Variants in SNX31 observed in about 807,000 individuals in gnomAD.
SNX31 encodes the protein sorting nexin 31, also known as sorting nexin-31.
SNX31 carries 58 observed loss-of-function variants against 65.4 expected under a neutral mutation model. That is an observed-to-expected ratio of 0.89 (90% CI 0.72 to 1.10). SNX31 has a LOEUF of 1.10. Ranked by LOEUF, SNX31 falls within the 50% of genes least tolerant of loss-of-function variation. The pLI, the probability that SNX31 is intolerant of heterozygous loss-of-function variation, is 0.00. For missense variants in SNX31, 523 were observed against 529.7 expected, an observed-to-expected ratio of 0.99 and a Z score of 0.12; for synonymous variants, 181 against 190.1, an observed-to-expected ratio of 0.95 and a Z score of 0.39.
chr8:100,573,825 A>C lies in SNX31; in HGVS notation c.*40T>G. 1 of 1,400,736 alleles carries C rather than the reference A, an allele frequency of 7.1e-7. No homozygotes were observed. Among genetic ancestry groups the C allele is most frequent in the Non-Finnish European group, 9.9e-7 (1 of 1,014,744 alleles). 86.8% of individuals were successfully genotyped at this position (1,400,736 alleles called of 1,614,324 possible). On this transcript the variant is annotated 3_prime_UTR_variant, in exon 14 of 14. Transcript: ENST00000311812. ...ATCCCCAAGTTCTTTCACTGTCTTG[A>C]GATAGCCTCCAAGGATATTTTAAAA...
At chr8:100,618,624 G>A (rs1219614476) in intron 4 of SNX31, 3 of 514,792 alleles carry the variant, frequency 5.8e-6, no homozygotes, top group Admixed American at 7.3e-5. Context: ...TACAAATTCT[G>A]GTTTCCATGA....
At chr8:100,581,847 G>T (rs1813586202) in intron 12 of SNX31, among the ~76,000 whole-genome samples, 1 of 152,116 alleles carries the variant, frequency 6.6e-6, no homozygotes, top group South Asian at 2.1e-4. Flanking sequence ...TTGTGAGGGG[G>T]CCCAGCACTC....
rs187638627 is a variant in SNX31, at chr8:100,610,531, G to T, written c.611+1469C>A. Among the ~76,000 whole-genome samples, 1 of 152,236 alleles carries T rather than the reference G, an allele frequency of 6.6e-6. No homozygotes were observed. Among genetic ancestry groups the T allele is most frequent in the East Asian group, 1.9e-4 (1 of 5,186 alleles). On this transcript the variant is annotated intron_variant, in intron 7 of 13. Coordinates refer to ENST00000311812, the MANE Select transcript of SNX31 (RefSeq NM_152628.4). The surrounding 1 kb of genome is among the most constrained non-coding windows in gnomAD (Gnocchi z 4.0). ...CCCATTTTACAGATAAAGAAACTGAGGCTTAGAGAGCTTGAACGACTTGGC... is the reference window on the plus strand; with the variant it reads ...CCCATTTTACAGATAAAGAAACTGATGCTTAGAGAGCTTGAACGACTTGGC...
intron 8 of SNX31, 139 bp from the exon 9 acceptor site, chr8:100,600,580 AT>A: frequency 1.7e-6 from 1 of 597,798 alleles, no homozygotes; most frequent in South Asian, 2.5e-5. Context: ...TATAAGTCTT[AT>A]TTTTTAAATT....
At chr8:100,607,825 A>G (rs1341768963) in intron 8 of SNX31, among the ~76,000 whole-genome samples, 1 of 152,222 alleles carries the variant, frequency 6.6e-6, no homozygotes, top group East Asian at 1.9e-4. Context: ...TTTTTAAAAT[A>G]AAAACTAAAA....
At chr8:100,577,311 G>T (rs962023582) in intron 12 of SNX31, among the ~76,000 whole-genome samples, 4 of 152,214 alleles carry the variant, frequency 2.6e-5, no homozygotes, top group Non-Finnish European at 4.4e-5. Context: ...CACATTAGTG[G>T]TTGCCTATGG....
chr8:100,622,468 A>G lies in SNX31; in HGVS notation c.322-4738T>C, dbSNP rs903268180. Among the ~76,000 whole-genome samples, 14 of 152,098 alleles carry G rather than the reference A, an allele frequency of 9.2e-5. No individual in the cohort carries two copies. The highest frequency in any genetic ancestry group is 2.9e-4 in the African/African-American group (12 of 41,416). ...GGAGTTCGAGACCAGCCTGGCCAAC[A>G]TGGTGAAACACTGTCTCTACTAAAA... On this transcript the variant is annotated intron_variant, in intron 4 of 13. Transcript: ENST00000311812. This position sits in a 1 kb window ranked among gnomAD's most constrained non-coding sequence, Gnocchi z 5.0.
chr8:100,593,546 C>T (rs1814783439), intron 10 of SNX31, among the ~76,000 whole-genome samples: 1 of 152,052 alleles, frequency 6.6e-6, no homozygotes, highest in African/African-American at 2.4e-5. Context: ...CTCCCCCTCC[C>T]AGACTCAAGG....
At chr8:100,643,119 G>T (rs34829030) in intron 2 of SNX31, among the ~76,000 whole-genome samples, 72,929 of 151,728 alleles carry the variant, frequency 0.48, 17,817 homozygotes, top group African/African-American at 0.56. Flanking sequence ...TGAACTTGGG[G>T]GGGGTGGAGG....
chr8:100,588,992 A>G lies in SNX31; in HGVS notation c.979-13T>C. ...CCAGCAGAGTTCCCTACAAAGGAAA[A>G]TATTTTATATTCAATGTAAATTTAA... On this transcript the variant is annotated splice_polypyrimidine_tract_variant and intron_variant, in intron 10 of 13. Transcript: ENST00000311812. This position sits in a 1 kb window ranked among gnomAD's most constrained non-coding sequence, Gnocchi z 4.8. The G allele has an allele frequency of 6.3e-7, 1 of 1,588,930 alleles. No homozygotes were observed. Among genetic ancestry groups the G allele is most frequent in the Non-Finnish European group, 8.6e-7 (1 of 1,158,898 alleles).
chr8:100,643,019 C>T (rs575339128), intron 2 of SNX31, among the ~76,000 whole-genome samples: 1 of 152,004 alleles, frequency 6.6e-6, no homozygotes, highest in East Asian at 1.9e-4. Context: ...GGCAAAACCC[C>T]CTCTCTACTA....
chr8:100,652,146 T>A (rs1455916411), upstream of SNX31, among the ~76,000 whole-genome samples: 3 of 151,976 alleles, frequency 2.0e-5, no homozygotes, highest in Non-Finnish European at 4.4e-5. Flanking sequence ...GCCCGGCTAA[T>A]TTTTTGTATT....
chr8:100,651,757 A>G (rs1259291382), upstream of SNX31, among the ~76,000 whole-genome samples: 1 of 152,210 alleles, frequency 6.6e-6, no homozygotes, highest in Non-Finnish European at 1.5e-5. Flanking sequence ...AATTCTCACA[A>G]TTGCCTGAAG....
chr8:100,651,297 G>A (rs985119797), upstream of SNX31, among the ~76,000 whole-genome samples: 1 of 152,172 alleles, frequency 6.6e-6, no homozygotes, highest in Non-Finnish European at 1.5e-5. Flanking sequence ...CAAGGCCAGG[G>A]GTATTCCTGA....
rs16898652 is a variant in SNX31 at position 100,625,904 on chromosome 8, G to A, written c.321+4423C>T. Among the ~76,000 whole-genome samples the A allele has an allele frequency of 1.1e-4, 17 of 152,058 alleles. No homozygotes were observed. Among genetic ancestry groups the A allele is most frequent in the Non-Finnish European group, 5.9e-5 (4 of 68,028 alleles). On this transcript the variant is annotated intron_variant, in intron 4 of 13. Coordinates refer to ENST00000311812, the MANE Select transcript of SNX31 (RefSeq NM_152628.4). This position sits in a 1 kb window ranked among gnomAD's most constrained non-coding sequence, Gnocchi z 4.2. The stretch of plus-strand genomic sequence containing the variant: ...TCTCAGCATGGCTGGGGAAAGAAAA[G>A]GGACTGGCATTAAGATTTTGCTTTT...
chr8:100,641,955 T>G (rs983870404), intron 2 of SNX31, among the ~76,000 whole-genome samples: 1 of 151,828 alleles, frequency 6.6e-6, no homozygotes, highest in South Asian at 2.1e-4. Flanking sequence ...GGCAGGTGCC[T>G]GTAGTCCCAG....
chr8:100,575,270 T>C lies in SNX31; in HGVS notation c.1228-1310A>G, dbSNP rs532765546. ...TGACCTTGAGCAAGTGACTTAACCT[T>C]TCTGTGTTTCAGTTCTCTGTGCAGT... On this transcript the variant is annotated intron_variant, in intron 13 of 13. Transcript: ENST00000311812. This position sits in a 1 kb window ranked among gnomAD's most constrained non-coding sequence, Gnocchi z 5.1. Among the ~76,000 whole-genome samples the C allele has an allele frequency of 6.6e-6, 1 of 152,354 alleles. No individual in the cohort carries two copies. The highest frequency in any genetic ancestry group is 2.4e-5 in the African/African-American group (1 of 41,584).
In SNX31 at chr8:100,610,647, C is replaced by A. The variant is rs1816630157; in HGVS notation, c.611+1353G>T. On this transcript the variant is annotated intron_variant, in intron 7 of 13. Transcript: ENST00000311812. The surrounding 1 kb of genome is among the most constrained non-coding windows in gnomAD (Gnocchi z 4.0). ...AACTGTGCTCAGCCATTCACTACAG[C>A]AAGCAGCTTCCAGAACAGCTGTTCT... Among the ~76,000 whole-genome samples, 1 of 152,206 alleles carries A rather than the reference C, an allele frequency of 6.6e-6. No homozygotes were observed. Among genetic ancestry groups the A allele is most frequent in the Non-Finnish European group, 1.5e-5 (1 of 68,038 alleles).
At chr8:100,642,177 G>T (rs1470286389) in intron 2 of SNX31, among the ~76,000 whole-genome samples, 1 of 152,210 alleles carries the variant, frequency 6.6e-6, no homozygotes, top group African/African-American at 2.4e-5. Context: ...AGGCATCCCA[G>T]TTGGAGCATT....
Sources: allele counts gnomAD v4.1 joint callset (sites outside exome capture counted in the v4.1 genomes callset), GRCh38; gene constraint gnomAD v4.1.1; non-coding constraint Gnocchi (gnomAD v3.1); transcripts MANE v1.5; gene names NCBI Gene and HGNC (gene_info 2026-07-23, HGNC 2026-07-21).